The following SNX1 variants were observed in gnomAD, a reference collection of about 807,000 sequenced individuals.
SNX1 encodes the protein sorting nexin-1.
A neutral mutation model predicts 71.8 loss-of-function variants in SNX1; 36 were observed. The ratio of observed to expected loss-of-function variants is 0.50; its 90% confidence interval spans 0.38 to 0.66. The LOEUF (loss-of-function observed/expected upper bound fraction) is 0.66, where lower values mean the gene tolerates loss of function less well. Among genes scored for constraint, SNX1 ranks in the 30% least tolerant of loss-of-function variants. The probability of loss-of-function intolerance (pLI) is 0.00; values close to 1 mark genes in which losing one functional copy is unlikely to be tolerated. For missense variants in SNX1, 612 were observed against 646.7 expected (o/e 0.95, Z 0.58); for synonymous variants, 254 against 240.7 (o/e 1.06, Z -0.51).
chr15:64,112,445 T>C lies in SNX1; in HGVS notation c.160-128T>C, dbSNP rs780234597. On this transcript the variant is annotated intron_variant, in intron 1 of 14. Coordinates refer to ENST00000559844, the MANE Select transcript of SNX1 (RefSeq NM_003099.5). ...ACTTGGGCAGCACTTATTTTACTAA[T>C]AACGATTTGCTGCTTATTGAACTGG... The C allele has an allele frequency of 1.5e-5, 9 of 601,910 alleles. No individual in the cohort carries two copies. The Admixed American group carries it at 2.1e-4, about 14-fold the overall frequency. The allele number at this position is 601,910 out of a possible 1,614,324, so 37.3% of individuals were successfully genotyped here.
At chr15:64,122,808 G>C (rs1427853345) in intron 4 of SNX1, among the ~76,000 whole-genome samples, 1 of 152,102 alleles carries the variant, frequency 6.6e-6, no homozygotes, top group African/African-American at 2.4e-5. Flanking sequence ...AAGTGGTCTA[G>C]GTCAGGACAT....
At position 64,124,152 on chromosome 15, in the gene SNX1, A is replaced by ATATATATATATATG. The variant is rs1351542707; in HGVS notation, c.510+619_510+620insGTATATATATATAT. Among the ~76,000 whole-genome samples the ATATATATATATATG allele has an allele frequency of 1.8e-4, 5 of 28,010 alleles. 1 individual carries two copies. The highest frequency in any genetic ancestry group is 2.4e-4 in the African/African-American group (5 of 20,606). 18.4% of individuals were successfully genotyped at this position (28,010 alleles called of 152,430 possible). On this transcript the variant is annotated intron_variant, in intron 5 of 14. Transcript: ENST00000559844. ...TCCTTTATAAGAAATCTTTACATAT[A>ATATATATATATATG]TATATATATATATATATATATATAT... is the stretch of plus-strand genomic sequence containing the variant.
Position 64,136,344 on chromosome 15 carries a change from G to A in SNX1, c.1380G>A (p.Val460=). The change falls in exon 13 of 15, where the codon GTG becomes GTA. Residue 460 remains valine (V), a synonymous_variant. Transcript: ENST00000559844. ...TTTCTTCCCAGTGGGAGTCTCGGGTGACTCAATATGAAAGGGACTTCGAGA... is the reference window on the plus strand; with the variant it reads ...TTTCTTCCCAGTGGGAGTCTCGGGTAACTCAATATGAAAGGGACTTCGAGA... The part of the protein sequence containing the change: ...KDEILEWESR[V]TQYERDFERI... The A allele has an allele frequency of 6.2e-7, 1 of 1,613,892 alleles. No individual in the cohort carries two copies. The highest frequency in any genetic ancestry group is 8.5e-7 in the Non-Finnish European group (1 of 1,179,766).
chr15:64,137,421 T>A, intron 14 of SNX1, 147 bp from the exon 15 acceptor site: 1 of 735,942 alleles, frequency 1.4e-6, no homozygotes, highest in Admixed American at 2.6e-5. Flanking sequence ...GGTGTGAAGG[T>A]CATGTGGCCT....
In SNX1 at chr15:64,129,961, C is replaced by T. The variant is rs368998210; in HGVS notation, c.853C>T (p.Leu285Phe). The T allele has an allele frequency of 6.1e-5, 99 of 1,614,016 alleles. No homozygotes were observed. Among genetic ancestry groups the T allele is most frequent in the Non-Finnish European group, 8.2e-5 (97 of 1,180,032 alleles). Residue 285 changes from leucine to phenylalanine, a missense_variant, in exon 9 of 15, where the codon CTC (leucine) becomes TTC (phenylalanine). By Grantham distance (22) the Leu-to-Phe change is conservative. Transcript: ENST00000559844. The surrounding 1 kb of genome is among the most constrained non-coding windows in gnomAD (Gnocchi z 4.4). ...GTQTLSGAGLLKMFNKATDAV... is the reference protein window; with the variant it reads ...GTQTLSGAGLFKMFNKATDAV... ...CCAGACATTGAGTGGTGCTGGTCTC[C>T]TCAAGATGTTCAACAAAGCCACAGA...
At chr15:64,115,965 A>G (rs975578922) in intron 2 of SNX1, among the ~76,000 whole-genome samples, 2 of 152,220 alleles carry the variant, frequency 1.3e-5, no homozygotes, top group African/African-American at 2.4e-5. Context: ...CTAATATGCT[A>G]ACATGTTCAT....
intron 2 of SNX1, 37 bp downstream of exon 2, chr15:64,112,721 T>G: frequency 1.5e-6 from 2 of 1,337,782 alleles, no homozygotes; most frequent in Non-Finnish European, 2.1e-6. Flanking sequence ...AGGAACCTCC[T>G]AAATGGCTTT....
chr15:64,108,044 T>A (rs945430193), intron 1 of SNX1, among the ~76,000 whole-genome samples: 2 of 151,860 alleles, frequency 1.3e-5, no homozygotes, highest in Non-Finnish European at 2.9e-5. Flanking sequence ...ATACAAAAAA[T>A]TAGCCCGGCG....
chr15:64,115,648 C>T lies in SNX1; in HGVS notation c.272-2469C>T, dbSNP rs549124713. ...GTGTGGTCATGGCTCACTGCAGCCC[C>T]GACCTCCCAGGCTCAAGTGATCTTC... On this transcript the variant is annotated intron_variant, in intron 2 of 14. Coordinates refer to ENST00000559844, the MANE Select transcript of SNX1 (RefSeq NM_003099.5). 3.6e-5 allele frequency: 11 copies of T among 308,178 alleles called. 1 individual carries two copies. Among genetic ancestry groups the T allele is most frequent in the East Asian group, 1.3e-4 (1 of 7,616 alleles). 19.1% of individuals were successfully genotyped at this position (308,178 alleles called of 1,614,324 possible).
At chr15:64,133,684 A>C (rs1349750656) in intron 11 of SNX1, among the ~76,000 whole-genome samples, 1 of 152,232 alleles carries the variant, frequency 6.6e-6, no homozygotes, top group Non-Finnish European at 1.5e-5. Context: ...GCAGTGAGCC[A>C]AGATCGCGCC....
In SNX1 at chr15:64,141,535, G is replaced by T. The variant is rs2081414448; in HGVS notation, c.*3917G>T. On this transcript the variant is annotated 3_prime_UTR_variant, in exon 15 of 15. Transcript: ENST00000559844. This position sits in a 1 kb window ranked among gnomAD's most constrained non-coding sequence, Gnocchi z 5.1. ...GTGGAGAACCTGATGCTTGAACTGA[G>T]TCTAAAAGGTGTAAAAGTGTTTGTT... 6.6e-6 allele frequency: 1 copy of T among 152,322 alleles called. No homozygotes were observed. Among genetic ancestry groups the T allele is most frequent in the Admixed American group, 6.5e-5 (1 of 15,280 alleles). 9.4% of individuals were successfully genotyped at this position (152,322 alleles called of 1,614,324 possible).
chr15:64,106,797 A>G (rs1412956745), intron 1 of SNX1, among the ~76,000 whole-genome samples: 1 of 152,238 alleles, frequency 6.6e-6, no homozygotes, highest in Non-Finnish European at 1.5e-5. Context: ...AAGGGCAAGG[A>G]AACAGATTCT....
At chr15:64,130,120 C>T in intron 9 of SNX1, 91 bp downstream of exon 9, 1 of 1,473,390 alleles carries the variant, frequency 6.8e-7, no homozygotes, top group South Asian at 1.2e-5. Context: ...AGATTAGAAA[C>T]TTTTTTATAA....
In SNX1 at chr15:64,118,220, G is replaced by A. The variant is rs368328094; in HGVS notation, c.375G>A (p.Ser125=). ...CTCCTCAGGAAGCCACAAATTCTTC[G>A]AAGCCCCAGCCAACCTATGAGGAGG... ...SLPPQEATNS[S]KPQPTYEELE... Residue 125 remains serine (S), a synonymous_variant, in exon 3 of 15, where the codon TCG becomes TCA. Coordinates refer to ENST00000559844, the MANE Select transcript of SNX1 (RefSeq NM_003099.5). The A allele has an allele frequency of 2.7e-5, 43 of 1,613,254 alleles. No individual in the cohort carries two copies. The highest frequency in any genetic ancestry group is 5.3e-5 in the African/African-American group (4 of 74,844).
At chr15:64,123,594 CT>C in intron 5 of SNX1, 48 bp downstream of exon 5, 1 of 1,449,466 alleles carries the variant, frequency 6.9e-7, no homozygotes, top group Non-Finnish European at 9.7e-7. Context: ...GACTTTGGTG[CT>C]TATACCAAGG....
Position 64,142,492 on chromosome 15 carries a change from AATGGGGTCCAGAGC to A in SNX1, c.*4876_*4889del, listed in dbSNP as rs1259737734. The stretch of plus-strand genomic sequence containing the variant: ...ACTATCAGAGCCATGTTTGGAAGAA[AATGGGGTCCAGAGC>A]ACAGGAAGGGGACCTGTGTTCAGAG... On this transcript the variant is annotated 3_prime_UTR_variant, in exon 15 of 15. Coordinates refer to ENST00000559844, the MANE Select transcript of SNX1 (RefSeq NM_003099.5). 2.9e-6 allele frequency: 1 copy of A among 343,692 alleles called. No individual in the cohort carries two copies. Among genetic ancestry groups the A allele is most frequent in the African/African-American group, 2.2e-5 (1 of 46,412 alleles). 21.3% of individuals were successfully genotyped at this position (343,692 alleles called of 1,614,324 possible).
intron 8 of SNX1, among the ~76,000 whole-genome samples, chr15:64,128,369 G>A (rs935269627): frequency 6.6e-6 from 1 of 152,120 alleles, no homozygotes. Context: ...TATGTTAAAA[G>A]AATTACAAAA....
Position 64,130,339 on chromosome 15 carries a change from G to A in SNX1, c.1015+18G>A. 2 of 1,590,798 alleles carry A rather than the reference G, an allele frequency of 1.3e-6. No individual in the cohort carries two copies. Among genetic ancestry groups the A allele is most frequent in the Non-Finnish European group, 1.7e-6 (2 of 1,158,864 alleles). The stretch of plus-strand genomic sequence containing the variant: ...TAGGAAAGGTAACAAGCTCTGAAAT[G>A]CACTTGGAGCTAGGGGAAATTGTTG... On this transcript the variant is annotated intron_variant, in intron 10 of 14. Coordinates refer to ENST00000559844, the MANE Select transcript of SNX1 (RefSeq NM_003099.5).
At chr15:64,114,220 G>A (rs759094017) in intron 2 of SNX1, among the ~76,000 whole-genome samples, 2 of 152,256 alleles carry the variant, frequency 1.3e-5, no homozygotes, top group African/African-American at 2.4e-5. Context: ...ATAATTTTTC[G>A]AAGGTAATCA....
Sources: gnomAD v4.1 joint callset for allele counts (sites outside exome capture counted in the v4.1 genomes callset) on GRCh38, gnomAD v4.1.1 for gene constraint, Gnocchi (gnomAD v3.1) non-coding constraint, MANE v1.5 for transcripts, NCBI Gene and HGNC (gene_info 2026-07-23, HGNC 2026-07-21) for gene names.